The following ADAM10 variants were observed in gnomAD, a reference collection of about 807,000 sequenced individuals.
ADAM10 encodes the protein disintegrin and metalloproteinase domain-containing protein 10.
ADAM10 carries 17 observed loss-of-function variants against 90.1 expected under a neutral mutation model. The ratio of observed to expected loss-of-function variants is 0.19; its 90% CI spans 0.13 to 0.28. ADAM10 has a LOEUF of 0.28. ADAM10 is among the 10% of genes least tolerant of loss of function. ADAM10 has a pLI of 1.00. For synonymous variants in ADAM10, 310 were observed against 298.6 expected, an observed-to-expected ratio of 1.04 and a Z score of -0.40; for missense variants, 610 against 914.3, an observed-to-expected ratio of 0.67 and a Z score of 4.29.
chr15:58,659,739 C>A (rs1418109555), intron 5 of ADAM10, among the ~76,000 whole-genome samples: 1 of 151,942 alleles, frequency 6.6e-6, no homozygotes, highest in Non-Finnish European at 1.5e-5. Flanking sequence ...TTTTCTCTTT[C>A]TTTTTTTGAG....
intron 8 of ADAM10, among the ~76,000 whole-genome samples, chr15:58,635,791 TAA>T (rs35001597): frequency 5.1e-4 from 75 of 146,740 alleles, no homozygotes; most frequent in East Asian, 1.6e-3. Context: ...CTTTATCAGT[TAA>T]AAAAAAAAAA....
At chr15:58,626,773 G>A (rs1290069575) in intron 10 of ADAM10, among the ~76,000 whole-genome samples, 1 of 152,192 alleles carries the variant, frequency 6.6e-6, no homozygotes, top group Non-Finnish European at 1.5e-5. Flanking sequence ...CATAAAGACA[G>A]AAAGTGGATT....
At chr15:58,615,339 T>C (rs552043354) in intron 11 of ADAM10, among the ~76,000 whole-genome samples, 2 of 150,170 alleles carry the variant, frequency 1.3e-5, no homozygotes, top group African/African-American at 4.9e-5. Flanking sequence ...AGTCCTCACC[T>C]ACTGATATCA....
intron 2 of ADAM10, among the ~76,000 whole-genome samples, chr15:58,695,559 C>A (rs1897952932): frequency 6.6e-6 from 1 of 152,040 alleles, no homozygotes; most frequent in African/African-American, 2.4e-5. Context: ...AAATTGCACC[C>A]TGAAACCCCT....
At chr15:58,629,646 CATAA>C (rs776340999) in intron 9 of ADAM10, among the ~76,000 whole-genome samples, 15 of 152,136 alleles carry the variant, frequency 9.9e-5, no homozygotes, top group Non-Finnish European at 2.1e-4. Flanking sequence ...AACAAAAATG[CATAA>C]ATAAAAATTC....
In ADAM10 at chr15:58,693,178, T is replaced by C. The variant is rs545303777; in HGVS notation, c.207-10864A>G. On this transcript the variant is annotated intron_variant, in intron 2 of 15. Coordinates refer to ENST00000260408, the MANE Select transcript of ADAM10 (RefSeq NM_001110.4). Reference sequence around the variant, plus strand: ...AAAAGTCGCCACCTCCCCTTCTCCATGGTACACCTCTGCAGGCATCTTGAA... The same window carrying C: ...AAAAGTCGCCACCTCCCCTTCTCCACGGTACACCTCTGCAGGCATCTTGAA... 1.3e-4 allele frequency: 97 copies of C among 719,328 alleles called. No homozygotes were observed. In the African/African-American group the frequency reaches 1.4e-3, roughly 10 times the overall value. The allele number at this position is 719,328 out of a possible 1,614,324, so 44.6% of individuals were successfully genotyped here.
At chr15:58,624,751 T>C (rs1895888663) in intron 10 of ADAM10, among the ~76,000 whole-genome samples, 1 of 152,194 alleles carries the variant, frequency 6.6e-6, no homozygotes, top group South Asian at 2.1e-4. Context: ...CAGGCTGGTT[T>C]CGAACTCCTG....
chr15:58,635,974 G>A (rs1003458111), intron 8 of ADAM10, among the ~76,000 whole-genome samples: 1 of 151,884 alleles, frequency 6.6e-6, no homozygotes, highest in South Asian at 2.1e-4. Flanking sequence ...TATGATTATC[G>A]CTTATATGAA....
rs549477021 is a variant in ADAM10, at chr15:58,676,875, TTATG to T, written c.484+2245_484+2248del. 2.6e-3 allele frequency among the ~76,000 whole-genome samples: 398 copies of T among 152,302 alleles called. 1 individual carries two copies. The highest frequency in any genetic ancestry group is 4.3e-3 in the Non-Finnish European group (293 of 68,026). On this transcript the variant is annotated intron_variant, in intron 4 of 15. Coordinates refer to ENST00000260408, the MANE Select transcript of ADAM10 (RefSeq NM_001110.4). ...AAAAAAAGCACCCATGCTTATTTAT[TTATG>T]TGTTTCTTTGGCTGTTCTCGTGCTA...
intron 5 of ADAM10, among the ~76,000 whole-genome samples, chr15:58,654,135 C>T (rs1204430886): frequency 3.3e-5 from 5 of 151,096 alleles, no homozygotes; most frequent in South Asian, 2.1e-4. Flanking sequence ...ATTTTGTTTA[C>T]GATTTCAAAA....
chr15:58,747,190 C>T (rs2140856815), intron 1 of ADAM10, among the ~76,000 whole-genome samples: 1 of 152,254 alleles, frequency 6.6e-6, no homozygotes, highest in South Asian at 2.1e-4. Flanking sequence ...ATGGTTTGCT[C>T]CTACAACTAC....
At chr15:58,723,275 G>A (rs1595657256) in intron 1 of ADAM10, among the ~76,000 whole-genome samples, 1 of 152,004 alleles carries the variant, frequency 6.6e-6, no homozygotes, top group African/African-American at 2.4e-5. Context: ...AATTATATAT[G>A]ATCACAGCCC....
intron 4 of ADAM10, among the ~76,000 whole-genome samples, chr15:58,669,610 G>A (rs774463550): frequency 4.1e-4 from 62 of 151,970 alleles, no homozygotes; most frequent in Non-Finnish European, 8.8e-4. Flanking sequence ...AGATTTTTTG[G>A]TCCTTAGTAG....
chr15:58,602,782 T>C (rs1213131289), intron 14 of ADAM10, among the ~76,000 whole-genome samples: 1 of 152,190 alleles, frequency 6.6e-6, no homozygotes, highest in African/African-American at 2.4e-5. Context: ...TCATGTTTAT[T>C]GTTCAATCTG....
At chr15:58,722,922 G>A (rs370642567) in intron 1 of ADAM10, among the ~76,000 whole-genome samples, 25 of 151,882 alleles carry the variant, frequency 1.6e-4, no homozygotes, top group African/African-American at 6.0e-4. Context: ...TGTAGAGACA[G>A]GGTCTCACTG....
At chr15:58,650,649 C>T (rs1010236046) in intron 5 of ADAM10, among the ~76,000 whole-genome samples, 37 of 152,154 alleles carry the variant, frequency 2.4e-4, no homozygotes, top group Non-Finnish European at 4.4e-4. Context: ...ACCAGTATCA[C>T]CATTCTAGCT....
Position 58,599,710 on chromosome 15 carries a change from T to G in ADAM10, c.2040A>C (p.Ala680=), listed in dbSNP as rs551538667. 1.2e-5 allele frequency: 19 copies of G among 1,612,374 alleles called. No homozygotes were observed. In the South Asian group the frequency reaches 2.0e-4, roughly 17 times the overall value. Residue 680 remains alanine, a synonymous_variant, in exon 15 of 16, where the codon GCA becomes GCC. Transcript: ENST00000260408. ...IAEWIVAHWW[A]VLLMGIALIM... ...TCAGAGCAATTCCCATAAGTAATAC[T>G]GCCCACCAATGAGCCTAGAAATAAA...
intron 5 of ADAM10, among the ~76,000 whole-genome samples, chr15:58,648,000 G>A (rs1896595331): frequency 2.6e-5 from 4 of 152,046 alleles, no homozygotes; most frequent in African/African-American, 4.8e-5. Flanking sequence ...CTTCTTCCTT[G>A]ACATTTCCTT....
chr15:58,749,323 G>A (rs865860051), intron 1 of ADAM10, among the ~76,000 whole-genome samples, 157 bp downstream of exon 1: 9 of 152,168 alleles, frequency 5.9e-5, no homozygotes, highest in Middle Eastern at 3.4e-3. Context: ...GGGGCGCGGG[G>A]GACAATAGGG....
Sources: gnomAD v4.1 joint callset for allele counts (sites outside exome capture counted in the v4.1 genomes callset) on GRCh38, gnomAD v4.1.1 for gene constraint, MANE v1.5 for transcripts, NCBI Gene and HGNC (gene_info 2026-07-23, HGNC 2026-07-21) for gene names.